TMEM164: variants seen among roughly 807,000 people sequenced by gnomAD.
The protein encoded by TMEM164 is transmembrane protein 164.
In TMEM164, 4 loss-of-function variants were observed where a neutral mutation model predicts 18.8. That is an observed-to-expected ratio of 0.21 (90% CI 0.10 to 0.49). The LOEUF is 0.49. Ranked by LOEUF, TMEM164 falls within the 20% of genes least tolerant of loss-of-function variation. The pLI is 0.98. For synonymous variants in TMEM164, 86 were observed against 101.7 expected, an observed-to-expected ratio of 0.85 and a Z score of 0.93; for missense variants, 108 against 239.9, an observed-to-expected ratio of 0.45 and a Z score of 3.63.
intron 5 of TMEM164, among the ~76,000 whole-genome samples, chrX:110,164,162 T>C (rs1462831485): frequency 8.9e-6 from 1 of 112,039 alleles, no homozygotes; most frequent in African/African-American, 3.3e-5. Flanking sequence ...CTGTTGTTTT[T>C]CTCTAGTACA....
At position 110,018,578 on chromosome X, in the gene TMEM164, T is replaced by G. The variant is rs147320316; in HGVS notation, c.390+14414T>G. ...TTTGATTTGTTTTGTTTTATTTTGT[T>G]TGAGGTCTTCCAAGTTCATTATTTT... On this transcript the variant is annotated intron_variant, in intron 2 of 6. Transcript: ENST00000372068. Among the ~76,000 whole-genome samples the G allele has an allele frequency of 5.9e-3, 658 of 112,430 alleles. 3 individuals carry two copies. Among genetic ancestry groups the G allele is most frequent in the African/African-American group, 0.02 (622 of 30,934 alleles).
chrX:110,030,104 GTCTGT>G (rs1250777040), intron 2 of TMEM164, among the ~76,000 whole-genome samples: 5 of 73,359 alleles, frequency 6.8e-5, no homozygotes, highest in African/African-American at 1.0e-4. Context: ...CTTTTTCTCT[GTCTGT>G]TTTTTTTTTT....
At chrX:110,090,351 G>A (rs1485454877) in intron 3 of TMEM164, among the ~76,000 whole-genome samples, 2 of 107,860 alleles carry the variant, frequency 1.9e-5, no homozygotes, top group Non-Finnish European at 3.8e-5. Context: ...TGTTGCCCAG[G>A]CTAGAGTGTA....
intron 5 of TMEM164, 114 bp from the exon 6 acceptor site, chrX:110,171,306 G>A: frequency 1.8e-6 from 1 of 544,491 alleles, no homozygotes; most frequent in East Asian, 3.4e-5. Context: ...CCAGTGATCA[G>A]TAAAAGGAAC....
downstream of TMEM164, among the ~76,000 whole-genome samples, chrX:110,183,634 C>T (rs1376787505): frequency 8.9e-6 from 1 of 112,404 alleles, no homozygotes; most frequent in Non-Finnish European, 1.9e-5. Context: ...TCATCATCCT[C>T]ATCAAGACAA....
chrX:110,124,176 A>AAGGCAGGC (rs1182349521), intron 4 of TMEM164, among the ~76,000 whole-genome samples: 2,613 of 77,097 alleles, frequency 0.034, 48 homozygotes, highest in East Asian at 0.058. Context: ...GGAAGGAAGG[A>AAGGCAGGC]AGGCAGGAAG....
At chrX:110,077,232 GT>G (rs2065685132) in intron 3 of TMEM164, among the ~76,000 whole-genome samples, 1 of 111,749 alleles carries the variant, frequency 8.9e-6, no homozygotes, top group African/African-American at 3.3e-5. Context: ...CTTTTTTACT[GT>G]TTTTGGTTTG....
intron 5 of TMEM164, among the ~76,000 whole-genome samples, chrX:110,147,971 T>A (rs2066882199): frequency 9.0e-6 from 1 of 110,560 alleles, no homozygotes; most frequent in Non-Finnish European, 1.9e-5. Flanking sequence ...CCTGAAAGTG[T>A]CTCACCTCCC....
At chrX:110,019,541 T>A (rs1023567540) in intron 2 of TMEM164, among the ~76,000 whole-genome samples, 21 of 111,915 alleles carry the variant, frequency 1.9e-4, no homozygotes, top group South Asian at 7.4e-4. Flanking sequence ...ACAAGTAAAA[T>A]ACATGTTGGA....
At chrX:110,107,107 GCAGA>G (rs1282281060) in intron 3 of TMEM164, among the ~76,000 whole-genome samples, 4 of 112,411 alleles carry the variant, frequency 3.6e-5, no homozygotes, top group African/African-American at 1.3e-4. Context: ...GAAGAAGGAG[GCAGA>G]CAGACTCTTG....
chrX:110,087,624 C>G (rs2065871997), intron 3 of TMEM164, among the ~76,000 whole-genome samples: 1 of 110,954 alleles, frequency 9.0e-6, no homozygotes, highest in African/African-American at 3.3e-5. Flanking sequence ...GAGTGAGTCA[C>G]TGAGTGGTAT....
At chrX:110,086,689 T>A (rs1602596596) in intron 3 of TMEM164, among the ~76,000 whole-genome samples, 2 of 69,208 alleles carry the variant, frequency 2.9e-5, no homozygotes, top group East Asian at 5.7e-4. Flanking sequence ...TGTGTGTGTG[T>A]ATATATATAA....
intron 4 of TMEM164, among the ~76,000 whole-genome samples, chrX:110,143,807 GTGT>G (rs1569348837): frequency 2.0e-5 from 2 of 99,500 alleles, no homozygotes; most frequent in Non-Finnish European, 4.0e-5. Flanking sequence ...ACTTTGGGGT[GTGT>G]GTGTGTGTGT....
At chrX:110,020,225 C>G (rs1444392389) in intron 2 of TMEM164, 1 of 219,632 alleles carries the variant, frequency 4.6e-6, no homozygotes, top group Admixed American at 9.3e-5. Flanking sequence ...CGCACAGCTT[C>G]TGGTACATTC....
intron 5 of TMEM164, among the ~76,000 whole-genome samples, chrX:110,148,787 A>C (rs1471547400): frequency 9.3e-6 from 1 of 107,055 alleles, no homozygotes; most frequent in Non-Finnish European, 1.9e-5. Context: ...CAGCCTCCCA[A>C]AGTGTTGGGA....
chrX:110,036,672 G>A (rs1023179236), intron 2 of TMEM164, among the ~76,000 whole-genome samples: 11 of 112,497 alleles, frequency 9.8e-5, no homozygotes, highest in African/African-American at 3.2e-4. Flanking sequence ...AAGATGGGCT[G>A]TATCTATAAG....
chrX:110,091,650 G>T (rs1044087108), intron 3 of TMEM164, among the ~76,000 whole-genome samples: 2 of 111,925 alleles, frequency 1.8e-5, no homozygotes, highest in Non-Finnish European at 3.8e-5. Flanking sequence ...TTCTCCCATT[G>T]TGTAGGTTGC....
intron 5 of TMEM164, among the ~76,000 whole-genome samples, chrX:110,159,791 C>T (rs1602730163): frequency 9.0e-6 from 1 of 111,224 alleles, no homozygotes. Flanking sequence ...AAAATTGCTG[C>T]AGGAATAGAA....
chrX:110,006,804 A>G (rs1173552202), intron 2 of TMEM164, among the ~76,000 whole-genome samples: 1 of 112,632 alleles, frequency 8.9e-6, no homozygotes, highest in Non-Finnish European at 1.9e-5. Flanking sequence ...TATATTCCAA[A>G]GAGGAGATAC....
Sources: allele counts gnomAD v4.1 joint callset (sites outside exome capture counted in the v4.1 genomes callset), GRCh38; gene constraint gnomAD v4.1.1; transcripts MANE v1.5; gene names NCBI Gene and HGNC (gene_info 2026-07-23, HGNC 2026-07-21).